SCHIP1: variants seen among roughly 807,000 people sequenced by gnomAD.
SCHIP1 encodes schwannomin interacting protein 1.
SCHIP1 carries 8 observed loss-of-function variants against 29.7 expected under a neutral mutation model. The ratio of observed to expected loss-of-function variants is 0.27; its 90% CI spans 0.16 to 0.49. SCHIP1 has a LOEUF of 0.49. SCHIP1 is among the 20% of genes least tolerant of loss of function. SCHIP1 has a pLI of 0.99. For missense variants in SCHIP1, 193 were observed against 294.6 expected (o/e 0.66, Z 2.52); for synonymous variants, 76 against 94.9 (o/e 0.80, Z 1.16).
the SCHIP1 span, among the ~76,000 whole-genome samples, chr3:159,792,625 G>C: frequency 6.6e-6 from 1 of 152,128 alleles, no homozygotes. Context: ...TTAGTTTTTA[G>C]TCATTGGCCT....
At chr3:159,747,952 C>A in the SCHIP1 span, among the ~76,000 whole-genome samples, 1 of 152,186 alleles carries the variant, frequency 6.6e-6, no homozygotes, top group African/African-American at 2.4e-5. Context: ...TTGTCTGAAA[C>A]TATCAAGTAG....
At chr3:159,488,574 C>T in the SCHIP1 span, among the ~76,000 whole-genome samples, 918 of 152,220 alleles carry the variant, frequency 6.0e-3, 9 homozygotes, top group African/African-American at 0.021. Context: ...AGCTGAGAGA[C>T]AGATGGCTCT....
the SCHIP1 span, among the ~76,000 whole-genome samples, chr3:159,796,188 G>T: frequency 1.3e-5 from 2 of 152,182 alleles, no homozygotes; most frequent in Non-Finnish European, 2.9e-5. Flanking sequence ...GTTTGTTGGG[G>T]AGTGGTGTCT....
the SCHIP1 span, among the ~76,000 whole-genome samples, chr3:159,573,596 C>A: frequency 2.0e-5 from 3 of 152,102 alleles, no homozygotes; most frequent in Admixed American, 2.0e-4. Context: ...CTTGGGGTTG[C>A]TCTTCTCGAG....
At chr3:159,680,553 A>ATATATATAATATATGTATAATATATC in the SCHIP1 span, among the ~76,000 whole-genome samples, 5 of 117,048 alleles carry the variant, frequency 4.3e-5, no homozygotes, top group Non-Finnish European at 8.3e-5. Flanking sequence ...TATATATATA[A>ATATATATAATATATGTATAATATATC]TATATATAAT....
the SCHIP1 span, among the ~76,000 whole-genome samples, chr3:159,376,379 A>ATTGT: frequency 6.6e-6 from 1 of 152,128 alleles, no homozygotes; most frequent in East Asian, 1.9e-4. Context: ...TGGCACAACC[A>ATTGT]TTGTTTAGCT....
At chr3:159,603,288 A>G in the SCHIP1 span, among the ~76,000 whole-genome samples, 1 of 152,208 alleles carries the variant, frequency 6.6e-6, no homozygotes, top group Non-Finnish European at 1.5e-5. Flanking sequence ...GTATTTGGCT[A>G]TCAGAAGCTC....
chr3:159,461,082 AC>A, the SCHIP1 span, among the ~76,000 whole-genome samples: 3,713 of 152,134 alleles, frequency 0.024, 158 homozygotes, highest in African/African-American at 0.085. Flanking sequence ...TGACTCAGAG[AC>A]ACTGATCTCT....
chr3:159,786,710 CTGTGTG>C, the SCHIP1 span, among the ~76,000 whole-genome samples: 1 of 143,122 alleles, frequency 7.0e-6, no homozygotes, highest in Non-Finnish European at 1.5e-5. Context: ...CGCGTGTGCA[CTGTGTG>C]TGTGTGTGTG....
chr3:159,356,877 T>C, the SCHIP1 span, among the ~76,000 whole-genome samples: 2 of 152,236 alleles, frequency 1.3e-5, no homozygotes, highest in Non-Finnish European at 2.9e-5. Context: ...GCAGAGGCCA[T>C]GCAAAAGAGA....
chr3:159,827,759 T>A, the SCHIP1 span, among the ~76,000 whole-genome samples: 1 of 150,214 alleles, frequency 6.7e-6, no homozygotes, highest in Non-Finnish European at 1.5e-5. Context: ...GAGCCGAGAT[T>A]GCGCCACTGC....
At chr3:159,557,441 G>C in the SCHIP1 span, among the ~76,000 whole-genome samples, 2 of 152,046 alleles carry the variant, frequency 1.3e-5, no homozygotes, top group African/African-American at 4.8e-5. Context: ...AGAAGGACTA[G>C]GAAAAAATGG....
the SCHIP1 span, among the ~76,000 whole-genome samples, chr3:159,393,494 G>A: frequency 6.6e-6 from 1 of 152,000 alleles, no homozygotes; most frequent in Non-Finnish European, 1.5e-5. Flanking sequence ...TTTTGTATAA[G>A]GTGTAAGGGA....
At chr3:159,524,118 T>C in the SCHIP1 span, among the ~76,000 whole-genome samples, 4 of 152,316 alleles carry the variant, frequency 2.6e-5, no homozygotes, top group Non-Finnish European at 4.4e-5. Context: ...TTAACTCTTA[T>C]GTTCGTCAAG....
the SCHIP1 span, among the ~76,000 whole-genome samples, chr3:159,832,900 C>T: frequency 8.9e-4 from 136 of 152,286 alleles, 1 homozygote; most frequent in African/African-American, 3.1e-3. Context: ...ATTCACATGA[C>T]TGTTACTACA....
chr3:159,658,067 A>C, the SCHIP1 span, among the ~76,000 whole-genome samples: 2 of 152,218 alleles, frequency 1.3e-5, no homozygotes, highest in Non-Finnish European at 2.9e-5. Flanking sequence ...AAGAGCAGAA[A>C]ATTGCCTGTG....
the SCHIP1 span, among the ~76,000 whole-genome samples, chr3:159,434,565 T>C: frequency 6.6e-6 from 1 of 152,146 alleles, no homozygotes; most frequent in Non-Finnish European, 1.5e-5. Context: ...GCTGCAGGCA[T>C]GTCCTCATCC....
chr3:159,426,081 G>A, the SCHIP1 span, among the ~76,000 whole-genome samples: 1 of 151,858 alleles, frequency 6.6e-6, no homozygotes, highest in Non-Finnish European at 1.5e-5. Flanking sequence ...ATGCCCACAA[G>A]AGAAAGCAGG....
the SCHIP1 span, among the ~76,000 whole-genome samples, chr3:159,709,069 C>T: frequency 2.6e-5 from 4 of 151,466 alleles, no homozygotes; most frequent in South Asian, 6.2e-4. Context: ...AATAATGGAT[C>T]AACATGGGGG....
Sources: allele counts gnomAD v4.1 joint callset (sites outside exome capture counted in the v4.1 genomes callset), GRCh38; gene constraint gnomAD v4.1.1; transcripts MANE v1.5; gene names NCBI Gene and HGNC (gene_info 2026-07-23, HGNC 2026-07-21).